The following TTC34 variants were observed in gnomAD, a reference collection of about 807,000 sequenced individuals.
TTC34 encodes tetratricopeptide repeat protein 34.
A neutral mutation model predicts 40.7 loss-of-function variants in TTC34; 44 were observed. The observed-to-expected ratio is 1.08, with a 90% confidence interval of 0.85 to 1.39. The LOEUF (loss-of-function observed/expected upper bound fraction) is 1.39, where lower values mean the gene tolerates loss of function less well. TTC34 is among the 40% of genes most tolerant of loss of function. The probability of loss-of-function intolerance (pLI) is 0.00; values close to 1 mark genes in which losing one functional copy is unlikely to be tolerated. For synonymous variants in TTC34, 422 were observed against 398.6 expected (o/e 1.06, Z -0.70); for missense variants, 884 against 838.0 (o/e 1.05, Z -0.68).
intron 6 of TTC34, among the ~76,000 whole-genome samples, chr1:2,685,971 C>G (rs1157971675): frequency 9.7e-6 from 1 of 103,424 alleles, no homozygotes; most frequent in African/African-American, 4.4e-5. Flanking sequence ...CACAGGCGAG[C>G]ATCTGACTGC....
intron 6 of TTC34, chr1:2,775,349 T>G (rs1643026189): frequency 6.8e-6 from 1 of 147,370 alleles, no homozygotes; most frequent in Admixed American, 6.7e-5. Context: ...AGAACCCCGC[T>G]CTTCCAGGTG....
intron 6 of TTC34, chr1:2,775,047 G>T (rs868228644): frequency 7.8e-6 from 1 of 127,724 alleles, no homozygotes; most frequent in African/African-American, 3.0e-5. Context: ...GCATCTGACC[G>T]CATGGAATGG....
intron 6 of TTC34, among the ~76,000 whole-genome samples, chr1:2,753,221 G>A (rs1288211263): frequency 8.0e-3 from 492 of 61,758 alleles, no homozygotes; most frequent in Middle Eastern, 0.015. Flanking sequence ...CACACCCACA[G>A]GTGAGCATCT....
At chr1:2,643,535 C>T (rs1007242480) in intron 8 of TTC34, among the ~76,000 whole-genome samples, 1 of 152,138 alleles carries the variant, frequency 6.6e-6, no homozygotes, top group East Asian at 1.9e-4. Context: ...CCAGCACAGA[C>T]CCCTCCTCCT....
At chr1:2,747,712 C>CAAA in intron 6 of TTC34, among the ~76,000 whole-genome samples, 1 of 125,730 alleles carries the variant, frequency 8.0e-6, no homozygotes, top group South Asian at 2.7e-4. Flanking sequence ...GAACAGCACC[C>CAAA]CGCACCCCCA....
chr1:2,648,321 T>C (rs1213491264), intron 6 of TTC34, among the ~76,000 whole-genome samples: 1 of 152,192 alleles, frequency 6.6e-6, no homozygotes, highest in Non-Finnish European at 1.5e-5. Flanking sequence ...TACTGGTGGA[T>C]CATTTTGGCC....
exon 9 of TTC34, chr1:2,641,604 G>C: frequency 6.5e-7 from 1 of 1,534,198 alleles, no homozygotes. Flanking sequence ...TTCAGGGCCT[G>C]GGCAAAGGCC....
intron 6 of TTC34, among the ~76,000 whole-genome samples, chr1:2,687,175 G>T (rs868799819): frequency 1.4e-5 from 2 of 142,508 alleles, no homozygotes; most frequent in Non-Finnish European, 3.0e-5. Context: ...ACACAGGCGA[G>T]CATCTGAACC....
chr1:2,648,030 C>G (rs148693391), intron 6 of TTC34, among the ~76,000 whole-genome samples: 2,093 of 151,412 alleles, frequency 0.014, 24 homozygotes, highest in Admixed American at 0.024. Context: ...TATTCCTCTG[C>G]TAGGATTCTC....
intron 6 of TTC34, among the ~76,000 whole-genome samples, chr1:2,749,815 G>A (rs1641258542): frequency 7.2e-6 from 1 of 139,804 alleles, no homozygotes; most frequent in Non-Finnish European, 1.5e-5. Flanking sequence ...CCCCAGGTGA[G>A]CATCTGACAG....
At chr1:2,790,596 C>T (rs1400280307) in intron 2 of TTC34, among the ~76,000 whole-genome samples, 3 of 152,206 alleles carry the variant, frequency 2.0e-5, no homozygotes, top group South Asian at 2.1e-4. Context: ...AGGGGGCAGC[C>T]GCCCGGCCTG....
At chr1:2,685,126 C>T (rs1421239013) in intron 6 of TTC34, among the ~76,000 whole-genome samples, 10 of 127,506 alleles carry the variant, frequency 7.8e-5, no homozygotes, top group Admixed American at 2.4e-4. Context: ...CACCCCCAGG[C>T]GAGCATCGGA....
At chr1:2,692,104 C>A (rs911292244) in intron 6 of TTC34, among the ~76,000 whole-genome samples, 331 of 78,194 alleles carry the variant, frequency 4.2e-3, no homozygotes, top group Middle Eastern at 0.011. Context: ...AGAACCCACA[C>A]CCCCAGGCGA....
chr1:2,649,579 C>T (rs1284872860), intron 6 of TTC34, among the ~76,000 whole-genome samples: 8 of 152,062 alleles, frequency 5.3e-5, no homozygotes, highest in Admixed American at 1.3e-4. Context: ...CTCTCTCTGT[C>T]GCCCAGGCTA....
At chr1:2,659,935 A>C (rs1234371979) in intron 6 of TTC34, among the ~76,000 whole-genome samples, 1 of 152,204 alleles carries the variant, frequency 6.6e-6, no homozygotes, top group Non-Finnish European at 1.5e-5. Flanking sequence ...GACAGACTGG[A>C]ACAGCACCCA....
rs1242658188 is a variant in TTC34, at chr1:2,684,590, C to T, written c.2227-39027G>A. Among the ~76,000 whole-genome samples, 8 of 136,544 alleles carry T rather than the reference C, an allele frequency of 5.9e-5. No homozygotes were observed. In the East Asian group the frequency reaches 1.3e-3, roughly 22 times the overall value. 89.6% of individuals were successfully genotyped at this position (136,544 alleles called of 152,430 possible). A position where few individuals can be genotyped will look rare whatever the true frequency, so the allele number is the denominator to read the frequency against. On this transcript the variant is annotated intron_variant, in intron 6 of 8. Coordinates refer to ENST00000401095, the Ensembl canonical transcript of TTC34. Reference sequence around the variant, plus strand: ...GAGCATCCGATAGCCTGGAGCAACACCCATACCCCCAGGTGAGCATCTGAC... The same window carrying T: ...GAGCATCCGATAGCCTGGAGCAACATCCATACCCCCAGGTGAGCATCTGAC...
At chr1:2,789,440 G>C (rs1019727955) in intron 3 of TTC34, 63 bp downstream of exon 3, 8 of 1,423,634 alleles carry the variant, frequency 5.6e-6, no homozygotes, top group Middle Eastern at 1.7e-4. Context: ...AAACACATCC[G>C]TCGCTACCTC....
chr1:2,759,714 C>A lies in TTC34; in HGVS notation c.2226+23895G>T, dbSNP rs1641631305. ...GCATCCGACAGCCTGGAGCAGGACC[C>A]ACACCCCGAGGTGAACATCCGACAT... On this transcript the variant is annotated intron_variant, in intron 6 of 8. Coordinates refer to ENST00000401095, the Ensembl canonical transcript of TTC34. 1.8e-5 allele frequency among the ~76,000 whole-genome samples: 2 copies of A among 109,022 alleles called. 1 individual carries two copies. The highest frequency in any genetic ancestry group is 3.7e-5 in the Non-Finnish European group (2 of 54,146). The allele number at this position is 109,022 out of a possible 152,430, so 71.5% of individuals were successfully genotyped here.
At chr1:2,644,367 G>A (rs1638975170) in exon 8 of TTC34, 4 of 1,536,020 alleles carry the variant, frequency 2.6e-6, no homozygotes, top group Non-Finnish European at 3.5e-6. Context: ...TGCAGCCCCT[G>A]GCACGTCTCC....
Sources: allele counts gnomAD v4.1 joint callset (sites outside exome capture counted in the v4.1 genomes callset), GRCh38; gene constraint gnomAD v4.1.1; transcripts MANE v1.5; gene names NCBI Gene and HGNC (gene_info 2026-07-23, HGNC 2026-07-21).